The following NALF1 variants were observed in gnomAD, a reference collection of about 807,000 sequenced individuals.
NALF1 encodes the protein family with sequence similarity 155 member A.
In NALF1, 3 loss-of-function variants were observed where a neutral mutation model predicts 48.4. That is an observed-to-expected ratio of 0.06 (90% confidence interval 0.03 to 0.16). The LOEUF (loss-of-function observed/expected upper bound fraction) is 0.16, where lower values mean the gene tolerates loss of function less well. NALF1 is among the 10% of genes least tolerant of loss of function. NALF1 has a pLI of 1.00. For synonymous variants in NALF1, 262 were observed against 245.7 expected (o/e 1.07, Z -0.62); for missense variants, 526 against 571.5 (o/e 0.92, Z 0.81).
intron 1 of NALF1, among the ~76,000 whole-genome samples, chr13:107,555,931 T>C (rs1240905667): frequency 2.0e-5 from 3 of 152,096 alleles, no homozygotes. Flanking sequence ...ACTAAGAGCC[T>C]TAATCTTAAG....
intron 1 of NALF1, among the ~76,000 whole-genome samples, chr13:107,651,139 A>G (rs1457278066): frequency 6.6e-6 from 1 of 152,132 alleles, no homozygotes; most frequent in Non-Finnish European, 1.5e-5. Context: ...ATGATGAGAT[A>G]AAAGGAAAAT....
intron 1 of NALF1, among the ~76,000 whole-genome samples, chr13:107,477,587 G>C (rs1424815543): frequency 2.6e-5 from 4 of 151,932 alleles, no homozygotes; most frequent in African/African-American, 4.8e-5. Flanking sequence ...GCAATAAACT[G>C]AGCTTTGCTT....
At chr13:107,814,367 C>T (rs1211461271) in intron 1 of NALF1, among the ~76,000 whole-genome samples, 1 of 152,094 alleles carries the variant, frequency 6.6e-6, no homozygotes, top group African/African-American at 2.4e-5. Flanking sequence ...CCATCCAGGT[C>T]CTGGAAGAGA....
At chr13:107,614,727 G>A (rs962096103) in intron 1 of NALF1, among the ~76,000 whole-genome samples, 1 of 149,612 alleles carries the variant, frequency 6.7e-6, no homozygotes, top group African/African-American at 2.5e-5. Context: ...TTGAAACTTT[G>A]CCCTTTCCCT....
At chr13:107,379,635 A>G (rs1435096859) in intron 1 of NALF1, among the ~76,000 whole-genome samples, 1 of 152,174 alleles carries the variant, frequency 6.6e-6, no homozygotes, top group African/African-American at 2.4e-5. Flanking sequence ...CTCTGTGCTC[A>G]GGACTCCAGG....
rs563771783 is a variant in NALF1, at chr13:107,648,652, C to T, written c.915+217030G>A. ...ATAAGCCTGCTATAACACCCACATG[C>T]AGGTTTTTGTGTGAGTATAAATTTT... On this transcript the variant is annotated intron_variant, in intron 1 of 2. Transcript: ENST00000375915. 3.3e-5 allele frequency among the ~76,000 whole-genome samples: 5 copies of T among 152,238 alleles called. No homozygotes were observed. The East Asian group carries it at 9.6e-4, about 29-fold the overall frequency.
rs1415186255 is a variant in NALF1, at chr13:107,471,269, C to T, written c.916-260514G>A. 2.6e-5 allele frequency among the ~76,000 whole-genome samples: 4 copies of T among 151,578 alleles called. No individual in the cohort carries two copies. The South Asian group carries it at 6.2e-4, about 24-fold the overall frequency. On this transcript the variant is annotated intron_variant, in intron 1 of 2. Transcript: ENST00000375915. ...AATTTTTAAAAATGCGGATTATATTCCTTCTAAAATGCTAATTTATCTACC... is the reference window on the plus strand; with the variant it reads ...AATTTTTAAAAATGCGGATTATATTTCTTCTAAAATGCTAATTTATCTACC...
intron 1 of NALF1, among the ~76,000 whole-genome samples, chr13:107,445,494 T>A (rs937907084): frequency 6.6e-6 from 1 of 152,230 alleles, no homozygotes; most frequent in African/African-American, 2.4e-5. Flanking sequence ...GTTCCAGTTT[T>A]GGGCTACTAC....
rs534971171 is a variant in NALF1, at chr13:107,164,155, A to C, written c.*6342T>G. ...GTCACTGAAGAAAGTCTGTATTCAT[A>C]GATCAATGCTCATTACCTGGTCTTC... On this transcript the variant is annotated 3_prime_UTR_variant, in exon 3 of 3. Transcript: ENST00000375915. The C allele has an allele frequency of 1.4e-4, 22 of 152,292 alleles. No homozygotes were observed. Among genetic ancestry groups the C allele is most frequent in the African/African-American group, 5.1e-4 (21 of 41,572 alleles). The allele number at this position is 152,292 out of a possible 1,614,324, so 9.4% of individuals were successfully genotyped here.
intron 1 of NALF1, among the ~76,000 whole-genome samples, chr13:107,614,533 G>A (rs1879325783): frequency 6.6e-6 from 1 of 152,116 alleles, no homozygotes; most frequent in South Asian, 2.1e-4. Context: ...ATGAAGATTT[G>A]ATAAGCTAAT....
At chr13:107,428,171 A>G (rs980141887) in intron 1 of NALF1, among the ~76,000 whole-genome samples, 3 of 152,188 alleles carry the variant, frequency 2.0e-5, no homozygotes, top group African/African-American at 7.2e-5. Flanking sequence ...TCCCATGAGC[A>G]GGGCCCTATT....
chr13:107,298,655 C>T (rs1881774072), intron 1 of NALF1, among the ~76,000 whole-genome samples: 1 of 152,046 alleles, frequency 6.6e-6, no homozygotes, highest in Admixed American at 6.5e-5. Flanking sequence ...TTGTCTCGAA[C>T]TCCTGACCTC....
At chr13:107,567,322 T>C (rs557258763) in intron 1 of NALF1, among the ~76,000 whole-genome samples, 1 of 152,298 alleles carries the variant, frequency 6.6e-6, no homozygotes, top group Middle Eastern at 3.4e-3. Context: ...TATGACGATC[T>C]CATCTAATGT....
chr13:107,642,869 G>C (rs1036194605), intron 1 of NALF1, among the ~76,000 whole-genome samples: 3 of 152,172 alleles, frequency 2.0e-5, no homozygotes, highest in African/African-American at 7.2e-5. Flanking sequence ...TAAAGAGCTG[G>C]CTATTGTGTT....
At chr13:107,671,999 G>GA (rs34568033) in intron 1 of NALF1, among the ~76,000 whole-genome samples, 8 of 65,816 alleles carry the variant, frequency 1.2e-4, no homozygotes, top group African/African-American at 2.6e-4. Context: ...AAATTGCCTT[G>GA]AAAAAAAAAA....
intron 1 of NALF1, among the ~76,000 whole-genome samples, chr13:107,803,851 GAC>G (rs10559548): frequency 0.027 from 4,183 of 152,220 alleles, 189 homozygotes; most frequent in African/African-American, 0.095. Flanking sequence ...CTTGCCCAAG[GAC>G]ACACAGGTAA....
At chr13:107,452,645 C>T (rs1456766142) in intron 1 of NALF1, among the ~76,000 whole-genome samples, 1 of 152,120 alleles carries the variant, frequency 6.6e-6, no homozygotes, top group East Asian at 1.9e-4. Context: ...GCCACTGGCC[C>T]CTCCAAAATC....
chr13:107,680,210 C>A (rs1386977983), intron 1 of NALF1, among the ~76,000 whole-genome samples: 1 of 152,166 alleles, frequency 6.6e-6, no homozygotes, highest in African/African-American at 2.4e-5. Flanking sequence ...TCTCTTCCCA[C>A]GATTTGCCAT....
At chr13:107,628,712 A>T (rs952920166) in intron 1 of NALF1, among the ~76,000 whole-genome samples, 10 of 152,224 alleles carry the variant, frequency 6.6e-5, no homozygotes, top group Admixed American at 2.6e-4. Flanking sequence ...TAACTTTCAC[A>T]TAGAATGCCA....
Sources: gnomAD v4.1 joint callset for allele counts (sites outside exome capture counted in the v4.1 genomes callset) on GRCh38, gnomAD v4.1.1 for gene constraint, MANE v1.5 for transcripts, NCBI Gene and HGNC (gene_info 2026-07-23, HGNC 2026-07-21) for gene names.